EYA2: variants seen among roughly 807,000 people sequenced by gnomAD.
The protein encoded by EYA2 is protein phosphatase EYA2.
In EYA2, 31 loss-of-function variants were observed where a neutral mutation model predicts 69.2. The ratio of observed to expected loss-of-function variants is 0.45; its 90% CI spans 0.34 to 0.60. The LOEUF is 0.60. Among genes scored for constraint, EYA2 ranks in the 20% least tolerant of loss-of-function variants. The pLI is 0.02. For synonymous variants in EYA2, 257 were observed against 279.4 expected (o/e 0.92, Z 0.80); for missense variants, 622 against 701.2 (o/e 0.89, Z 1.28).
intron 2 of EYA2, among the ~76,000 whole-genome samples, chr20:46,992,930 T>C (rs1005445745): frequency 2.0e-5 from 3 of 152,180 alleles, no homozygotes; most frequent in Non-Finnish European, 4.4e-5. Flanking sequence ...TCCCTCCTCC[T>C]GGGCCATTCC....
intron 5 of EYA2, among the ~76,000 whole-genome samples, chr20:47,027,551 G>A (rs1056940422): frequency 6.6e-6 from 1 of 152,180 alleles, no homozygotes; most frequent in Admixed American, 6.5e-5. Flanking sequence ...AACGTATAGA[G>A]TTTAAATGGA....
chr20:47,188,496 A>C lies in EYA2; in HGVS notation c.*363A>C. On this transcript the variant is annotated 3_prime_UTR_variant, in exon 16 of 16. Coordinates refer to ENST00000327619, the MANE Select transcript of EYA2 (RefSeq NM_005244.5). Reference sequence around the variant, plus strand: ...TTTTAATTTATGGACTAGTCTCATTACTCCGGAATTATGCTCTTGTACCTG... The same window carrying C: ...TTTTAATTTATGGACTAGTCTCATTCCTCCGGAATTATGCTCTTGTACCTG... The C allele has an allele frequency of 1.9e-6, 1 of 516,220 alleles. No individual in the cohort carries two copies. Among genetic ancestry groups the C allele is most frequent in the Non-Finnish European group, 3.4e-6 (1 of 293,532 alleles). 32.0% of individuals were successfully genotyped at this position (516,220 alleles called of 1,614,324 possible).
At chr20:47,047,450 G>A (rs1018555952) in intron 5 of EYA2, among the ~76,000 whole-genome samples, 4 of 151,564 alleles carry the variant, frequency 2.6e-5, no homozygotes, top group South Asian at 2.1e-4. Context: ...GCAGTGGCGC[G>A]ATCTCAGCTC....
At chr20:46,989,037 G>T (rs1407210739) in intron 1 of EYA2, among the ~76,000 whole-genome samples, 1 of 152,044 alleles carries the variant, frequency 6.6e-6, no homozygotes, top group Non-Finnish European at 1.5e-5. Context: ...CCAACATGGT[G>T]CAAGAATTAG....
At chr20:46,924,527 A>G (rs906939837) in intron 1 of EYA2, among the ~76,000 whole-genome samples, 1 of 152,212 alleles carries the variant, frequency 6.6e-6, no homozygotes, top group Admixed American at 6.5e-5. Flanking sequence ...AAAATTAGCC[A>G]GGCGTGGTGG....
At chr20:46,951,722 G>A (rs1255326348) in intron 1 of EYA2, among the ~76,000 whole-genome samples, 1 of 152,208 alleles carries the variant, frequency 6.6e-6, no homozygotes, top group Non-Finnish European at 1.5e-5. Flanking sequence ...TTCGTCATCT[G>A]AACTTCAAGT....
intron 4 of EYA2, among the ~76,000 whole-genome samples, chr20:47,009,173 C>CCACACACACACGCGTGCACGCA (rs1555811964): frequency 6.6e-6 from 1 of 152,060 alleles, no homozygotes; most frequent in Non-Finnish European, 1.5e-5. Flanking sequence ...AGCCAGGCTG[C>CCACACACACACGCGTGCACGCA]CACACACACA....
At chr20:46,995,659 A>T (rs753141943) in intron 2 of EYA2, among the ~76,000 whole-genome samples, 1 of 152,216 alleles carries the variant, frequency 6.6e-6, no homozygotes, top group Non-Finnish European at 1.5e-5. Context: ...AAATTGTCTC[A>T]TCTCACTGGG....
chr20:47,001,218 CA>C (rs1982346561), intron 2 of EYA2, among the ~76,000 whole-genome samples: 1 of 152,000 alleles, frequency 6.6e-6, no homozygotes, highest in Admixed American at 6.6e-5. Context: ...CTTAACTGCA[CA>C]GAGACGAAGT....
At chr20:47,157,353 C>CAAA (rs57425490) in intron 10 of EYA2, among the ~76,000 whole-genome samples, 5 of 60,770 alleles carry the variant, frequency 8.2e-5, no homozygotes, top group East Asian at 5.6e-4. Context: ...GACTCCGTCT[C>CAAA]AAAAAAAAAA....
chr20:47,079,603 T>TA (rs2031643595), intron 7 of EYA2, among the ~76,000 whole-genome samples: 1 of 152,158 alleles, frequency 6.6e-6, no homozygotes, highest in Non-Finnish European at 1.5e-5. Flanking sequence ...ATTTATTTTT[T>TA]TAAAAAAGAA....
At chr20:46,972,579 T>G (rs1265462709) in intron 1 of EYA2, among the ~76,000 whole-genome samples, 1 of 152,226 alleles carries the variant, frequency 6.6e-6, no homozygotes, top group Non-Finnish European at 1.5e-5. Flanking sequence ...TGTATCCTAT[T>G]CTGCTCTCAG....
At chr20:47,097,555 C>T (rs1240842562) in intron 9 of EYA2, among the ~76,000 whole-genome samples, 1 of 152,174 alleles carries the variant, frequency 6.6e-6, no homozygotes, top group African/African-American at 2.4e-5. Context: ...GTGTCTCCGG[C>T]AGATGAATTT....
intron 5 of EYA2, among the ~76,000 whole-genome samples, chr20:47,039,380 CAT>C (rs2146412502): frequency 6.6e-6 from 1 of 152,328 alleles, no homozygotes; most frequent in South Asian, 2.1e-4. Flanking sequence ...CACACGGCCA[CAT>C]CCATTCATTA....
intron 9 of EYA2, among the ~76,000 whole-genome samples, chr20:47,125,047 GTTTTTTTTTTTTTT>G (rs11478823): frequency 1.1e-5 from 1 of 88,394 alleles, no homozygotes; most frequent in African/African-American, 3.7e-5. Flanking sequence ...TTTTGGTTAA[GTTTTTTTTTTTTTT>G]TTTTTTTTTT....
At position 46,894,859 on chromosome 20, in the gene EYA2, C is replaced by G. The variant is rs1467250405; in HGVS notation, c.-139C>G. ...GGCGCAGGCAGCAGCCGCGGCAGCCCAGGAGGCGGAGGCAGCGGCAACGGC... is the reference window on the plus strand; with the variant it reads ...GGCGCAGGCAGCAGCCGCGGCAGCCGAGGAGGCGGAGGCAGCGGCAACGGC... On this transcript the variant is annotated 5_prime_UTR_variant, in exon 1 of 16. Transcript: ENST00000327619. The G allele has an allele frequency of 2.0e-5, 3 of 151,040 alleles. No homozygotes were observed. Among genetic ancestry groups the G allele is most frequent in the African/African-American group, 7.3e-5 (3 of 41,294 alleles). 9.4% of individuals were successfully genotyped at this position (151,040 alleles called of 1,614,324 possible). A position where few individuals can be genotyped will look rare whatever the true frequency, so the allele number is the denominator to read the frequency against.
intron 14 of EYA2, among the ~76,000 whole-genome samples, chr20:47,181,342 T>G (rs927740309): frequency 6.6e-6 from 1 of 152,208 alleles, no homozygotes; most frequent in Non-Finnish European, 1.5e-5. Context: ...CCACCATTTC[T>G]TATGGTTTTA....
intron 9 of EYA2, among the ~76,000 whole-genome samples, chr20:47,127,015 T>A (rs1035006258): frequency 1.3e-5 from 2 of 152,104 alleles, no homozygotes; most frequent in African/African-American, 2.4e-5. Flanking sequence ...GCTCAAATGC[T>A]CACTCTAGAA....
chr20:47,008,704 A>T (rs906889384), intron 4 of EYA2, among the ~76,000 whole-genome samples: 1 of 152,232 alleles, frequency 6.6e-6, no homozygotes, highest in Non-Finnish European at 1.5e-5. Flanking sequence ...TGATAAGAGC[A>T]CATGTCCTGG....
Sources: allele counts gnomAD v4.1 joint callset (sites outside exome capture counted in the v4.1 genomes callset), GRCh38; gene constraint gnomAD v4.1.1; transcripts MANE v1.5; gene names NCBI Gene and HGNC (gene_info 2026-07-23, HGNC 2026-07-21).